The following GSG1L variants were observed in gnomAD, a reference collection of about 807,000 sequenced individuals.
GSG1L encodes GSG1 like.
GSG1L carries 24 observed loss-of-function variants against 42.1 expected under a neutral mutation model. The ratio of observed to expected loss-of-function variants is 0.57; its 90% confidence interval spans 0.41 to 0.80. GSG1L has a LOEUF of 0.80. Ranked by LOEUF, GSG1L falls within the 30% of genes least tolerant of loss-of-function variation. The pLI is 0.00. For synonymous variants in GSG1L, 215 were observed against 203.5 expected (o/e 1.06, Z -0.48); for missense variants, 445 against 472.2 (o/e 0.94, Z 0.53).
At chr16:27,880,117 C>T (rs1446613360) in intron 3 of GSG1L, among the ~76,000 whole-genome samples, 2 of 152,172 alleles carry the variant, frequency 1.3e-5, no homozygotes, top group Non-Finnish European at 2.9e-5. Flanking sequence ...CAGCACTTTC[C>T]CTCCCACAGG....
At chr16:27,917,856 G>A (rs755584022) in intron 2 of GSG1L, among the ~76,000 whole-genome samples, 3 of 152,012 alleles carry the variant, frequency 2.0e-5, no homozygotes, top group Non-Finnish European at 2.9e-5. Flanking sequence ...CTAACTTTTG[G>A]CTCCATCTTC....
intron 1 of GSG1L, among the ~76,000 whole-genome samples, chr16:28,052,186 A>T (rs143112512): frequency 6.6e-6 from 1 of 152,094 alleles, no homozygotes; most frequent in African/African-American, 2.4e-5. Context: ...TTTTGTTGAG[A>T]TGGGGCTAAG....
chr16:28,057,617 T>TA (rs2086293594), intron 1 of GSG1L, among the ~76,000 whole-genome samples: 1 of 152,210 alleles, frequency 6.6e-6, no homozygotes, highest in Non-Finnish European at 1.5e-5. Flanking sequence ...ACAAAACAGA[T>TA]ACACGGTTCA....
At chr16:27,832,724 C>T (rs904473670) in intron 4 of GSG1L, among the ~76,000 whole-genome samples, 5 of 152,312 alleles carry the variant, frequency 3.3e-5, no homozygotes, top group African/African-American at 1.2e-4. Flanking sequence ...TGAGGTTGAA[C>T]AACTTTTCAT....
At chr16:27,926,819 G>C (rs2084598906) in intron 2 of GSG1L, among the ~76,000 whole-genome samples, 1 of 152,336 alleles carries the variant, frequency 6.6e-6, no homozygotes, top group African/African-American at 2.4e-5. Flanking sequence ...ATAGCATAGA[G>C]GGCTGATGAC....
intron 2 of GSG1L, among the ~76,000 whole-genome samples, chr16:27,938,290 G>A (rs1408009730): frequency 2.0e-5 from 3 of 151,750 alleles, no homozygotes; most frequent in Non-Finnish European, 4.4e-5. Flanking sequence ...AGGCAGAGGC[G>A]GGAGAATCAC....
chr16:27,928,393 G>A (rs1285199111), intron 2 of GSG1L, among the ~76,000 whole-genome samples: 3 of 152,118 alleles, frequency 2.0e-5, no homozygotes, highest in Admixed American at 1.3e-4. Context: ...CTGCAATGTC[G>A]CCGCCTCTGA....
intron 1 of GSG1L, among the ~76,000 whole-genome samples, chr16:27,992,696 C>T (rs1441443387): frequency 3.9e-5 from 6 of 152,188 alleles, no homozygotes; most frequent in Admixed American, 6.5e-5. Flanking sequence ...TTGCAGAACA[C>T]GCTTCCTCTT....
intron 5 of GSG1L, 94 bp downstream of exon 5, chr16:27,828,695 T>C (rs1253222320): frequency 8.2e-7 from 1 of 1,219,030 alleles, no homozygotes; most frequent in Non-Finnish European, 1.2e-6. Flanking sequence ...ATACCATTCA[T>C]TCCAGTTTTT....
At position 27,986,118 on chromosome 16, in the gene GSG1L, G is replaced by T. The variant is rs141906313; in HGVS notation, c.350-22915C>A. ...CATGGCTGACAAGTCACTGATGAGGGCTGCCATTTTGAGGGTGGCTGACAG... is the reference window on the plus strand; with the variant it reads ...CATGGCTGACAAGTCACTGATGAGGTCTGCCATTTTGAGGGTGGCTGACAG... On this transcript the variant is annotated intron_variant, in intron 1 of 6. Transcript: ENST00000447459. Among the ~76,000 whole-genome samples, 103 of 152,302 alleles carry T rather than the reference G, an allele frequency of 6.8e-4. 2 individuals are homozygous for T. In the East Asian group the frequency reaches 0.02, roughly 29 times the overall value.
At chr16:27,862,651 G>C (rs2083668411) in intron 3 of GSG1L, among the ~76,000 whole-genome samples, 1 of 152,212 alleles carries the variant, frequency 6.6e-6, no homozygotes, top group Non-Finnish European at 1.5e-5. Context: ...TCCTGAGTCT[G>C]CTGGGGGAGC....
intron 1 of GSG1L, among the ~76,000 whole-genome samples, chr16:27,979,748 AG>A (rs373166783): frequency 7.8e-3 from 361 of 46,534 alleles, no homozygotes; most frequent in African/African-American, 0.013. Context: ...AAAGAAAGAA[AG>A]GAAAGAAAGA....
chr16:28,032,185 T>C (rs1043741777), intron 1 of GSG1L, among the ~76,000 whole-genome samples: 4 of 152,180 alleles, frequency 2.6e-5, no homozygotes, highest in Non-Finnish European at 1.5e-5. Flanking sequence ...ACGAACATGA[T>C]GGGAAACCCA....
At chr16:27,929,590 T>C (rs1444169105) in intron 2 of GSG1L, among the ~76,000 whole-genome samples, 1 of 152,152 alleles carries the variant, frequency 6.6e-6, no homozygotes, top group African/African-American at 2.4e-5. Context: ...CAGATTCCAG[T>C]GAAGTAGTTT....
intron 3 of GSG1L, among the ~76,000 whole-genome samples, chr16:27,882,516 C>T (rs2083971794): frequency 1.3e-5 from 2 of 152,200 alleles, no homozygotes; most frequent in Admixed American, 6.5e-5. Context: ...CCTCCTCTCC[C>T]TACTCCCAGT....
intron 2 of GSG1L, among the ~76,000 whole-genome samples, chr16:27,941,244 C>T (rs187044850): frequency 1.5e-4 from 23 of 152,184 alleles, no homozygotes; most frequent in African/African-American, 5.5e-4. Flanking sequence ...ATCTGCGAAT[C>T]AGAGATATCT....
At chr16:27,983,412 A>C (rs2085346170) in intron 1 of GSG1L, among the ~76,000 whole-genome samples, 1 of 152,188 alleles carries the variant, frequency 6.6e-6, no homozygotes, top group Admixed American at 6.6e-5. Context: ...TTCAGGGCTT[A>C]TTTGTTACAG....
At chr16:27,936,929 C>T (rs144472734) in intron 2 of GSG1L, among the ~76,000 whole-genome samples, 5 of 152,334 alleles carry the variant, frequency 3.3e-5, no homozygotes, top group African/African-American at 1.2e-4. Flanking sequence ...CATGCATCCT[C>T]ACCTACTTAC....
intron 5 of GSG1L, among the ~76,000 whole-genome samples, chr16:27,819,801 C>T (rs1398061596): frequency 1.3e-5 from 2 of 152,074 alleles, no homozygotes; most frequent in African/African-American, 2.4e-5. Context: ...GTCCTGTTAC[C>T]CTGATGACGT....
Sources: allele counts gnomAD v4.1 joint callset (sites outside exome capture counted in the v4.1 genomes callset), GRCh38; gene constraint gnomAD v4.1.1; transcripts MANE v1.5; gene names NCBI Gene and HGNC (gene_info 2026-07-23, HGNC 2026-07-21).